The following KIF26B variants were observed in gnomAD, a reference collection of about 807,000 sequenced individuals.
The protein encoded by KIF26B is kinesin family member 26B.
KIF26B carries 63 observed loss-of-function variants against 151.2 expected under a neutral mutation model. That is an observed-to-expected ratio of 0.42 (90% CI 0.34 to 0.51). The LOEUF (loss-of-function observed/expected upper bound fraction) is 0.51. Among genes scored for constraint, KIF26B ranks in the 20% least tolerant of loss-of-function variants. The probability of loss-of-function intolerance (pLI) is 0.07; values close to 1 mark genes in which losing one functional copy is unlikely to be tolerated. For synonymous variants in KIF26B, 1,357 were observed against 1,262.1 expected (o/e 1.08, Z -1.59); for missense variants, 2,813 against 2,913.6 (o/e 0.97, Z 0.79).
chr1:245,607,894 C>T (rs74154480), intron 7 of KIF26B, 150 bp downstream of exon 7: 28,724 of 625,212 alleles, frequency 0.046, 1,105 homozygotes, highest in African/African-American at 0.12. Flanking sequence ...AGTTATACGA[C>T]GAAAACCTAT....
intron 3 of KIF26B, among the ~76,000 whole-genome samples, chr1:245,376,465 T>G (rs182424504): frequency 9.1e-4 from 138 of 151,930 alleles, no homozygotes; most frequent in Non-Finnish European, 1.9e-4. Flanking sequence ...CCAGGCGAAT[T>G]AAATGAGAAT....
At chr1:245,419,464 T>C in intron 3 of KIF26B, 115 bp from the exon 4 acceptor site, 1 of 878,430 alleles carries the variant, frequency 1.1e-6, no homozygotes, top group Non-Finnish European at 1.7e-6. Context: ...TGAATGCAGG[T>C]GGGATAGAAA....
At chr1:245,611,044 G>T (rs1259332913) in intron 8 of KIF26B, among the ~76,000 whole-genome samples, 3 of 152,178 alleles carry the variant, frequency 2.0e-5, no homozygotes, top group African/African-American at 7.2e-5. Context: ...TGTGATTCAG[G>T]TTTAAAATAA....
chr1:245,565,209 G>A (rs1558217135), intron 5 of KIF26B, among the ~76,000 whole-genome samples: 1 of 152,128 alleles, frequency 6.6e-6, no homozygotes, highest in Non-Finnish European at 1.5e-5. Context: ...GCGCTGTCAG[G>A]AATGCTCTAG....
intron 4 of KIF26B, among the ~76,000 whole-genome samples, chr1:245,481,710 G>A (rs765013215): frequency 5.4e-4 from 81 of 151,262 alleles, no homozygotes; most frequent in Non-Finnish European, 2.2e-4. Flanking sequence ...GTGGCCAAGC[G>A]TTGATTATTA....
chr1:245,451,703 A>AGTG (rs1659398740), intron 4 of KIF26B, among the ~76,000 whole-genome samples: 1 of 149,972 alleles, frequency 6.7e-6, no homozygotes, highest in Non-Finnish European at 1.5e-5. Context: ...TGGGTTCAAA[A>AGTG]ATTCTCCTGC....
At chr1:245,169,364 C>T (rs867088999) in intron 2 of KIF26B, among the ~76,000 whole-genome samples, 153 of 29,870 alleles carry the variant, frequency 5.1e-3, no homozygotes, top group Middle Eastern at 0.048. Context: ...TGTGTGTGTG[C>T]GCGCAAGCAC....
intron 2 of KIF26B, among the ~76,000 whole-genome samples, chr1:245,183,219 A>C (rs1032747978): frequency 1.3e-5 from 2 of 152,164 alleles, no homozygotes; most frequent in Non-Finnish European, 2.9e-5. Flanking sequence ...CTCTTATCAG[A>C]TATATGATTG....
At chr1:245,393,936 G>C (rs1673760785) in intron 3 of KIF26B, among the ~76,000 whole-genome samples, 1 of 152,206 alleles carries the variant, frequency 6.6e-6, no homozygotes, top group Non-Finnish European at 1.5e-5. Flanking sequence ...TGGGGGAGGG[G>C]AAGGGGTCAG....
intron 4 of KIF26B, among the ~76,000 whole-genome samples, chr1:245,509,342 T>G (rs894098996): frequency 3.3e-5 from 5 of 152,222 alleles, no homozygotes; most frequent in African/African-American, 9.6e-5. Context: ...TTTGAAAAGT[T>G]TCCAAGAGGA....
intron 2 of KIF26B, among the ~76,000 whole-genome samples, chr1:245,209,688 C>T (rs1293176855): frequency 2.6e-5 from 4 of 152,164 alleles, no homozygotes; most frequent in African/African-American, 9.7e-5. Context: ...ATTCCGAGAA[C>T]ATTGTACACA....
intron 3 of KIF26B, among the ~76,000 whole-genome samples, chr1:245,399,027 A>G (rs1673929429): frequency 6.6e-6 from 1 of 152,136 alleles, no homozygotes; most frequent in African/African-American, 2.4e-5. Context: ...TAAAATTAAC[A>G]TTGATGAGTA....
intron 4 of KIF26B, among the ~76,000 whole-genome samples, chr1:245,479,241 G>A (rs930569660): frequency 6.6e-6 from 1 of 151,884 alleles, no homozygotes; most frequent in South Asian, 2.1e-4. Flanking sequence ...CAACATAAAT[G>A]TTGACAGAGA....
At chr1:245,503,678 C>G (rs539306985) in intron 4 of KIF26B, among the ~76,000 whole-genome samples, 1 of 152,178 alleles carries the variant, frequency 6.6e-6, no homozygotes, top group African/African-American at 2.4e-5. Flanking sequence ...CTGTCCGTAT[C>G]GGAGAGCTGG....
intron 14 of KIF26B, among the ~76,000 whole-genome samples, chr1:245,700,651 A>G (rs956545678): frequency 7.0e-6 from 1 of 142,810 alleles, no homozygotes; most frequent in Admixed American, 7.0e-5. Flanking sequence ...AAATAAAAAT[A>G]AAAAACAGGA....
chr1:245,249,210 C>T (rs1670392987), intron 2 of KIF26B, among the ~76,000 whole-genome samples: 6 of 151,802 alleles, frequency 4.0e-5, no homozygotes, highest in Admixed American at 3.9e-4. Context: ...CTCCCAGGTT[C>T]AAGCGCCTCC....
chr1:245,304,007 C>T (rs1671490483), intron 2 of KIF26B, among the ~76,000 whole-genome samples: 1 of 152,226 alleles, frequency 6.6e-6, no homozygotes, highest in African/African-American at 2.4e-5. Flanking sequence ...CACCATCTTC[C>T]CTGCTTCAAC....
chr1:245,568,851 A>G (rs2043037073), intron 5 of KIF26B, among the ~76,000 whole-genome samples: 1 of 152,236 alleles, frequency 6.6e-6, no homozygotes, highest in East Asian at 1.9e-4. Context: ...CATCTAAGCT[A>G]TGCTTTTGAA....
chr1:245,506,908 G>A (rs887769035), intron 4 of KIF26B, among the ~76,000 whole-genome samples: 5 of 152,178 alleles, frequency 3.3e-5, no homozygotes, highest in African/African-American at 1.2e-4. Flanking sequence ...TTGAACTCCT[G>A]AGCTCAGGTG....
Sources: gnomAD v4.1 joint callset for allele counts (sites outside exome capture counted in the v4.1 genomes callset) on GRCh38, gnomAD v4.1.1 for gene constraint, MANE v1.5 for transcripts, NCBI Gene and HGNC (gene_info 2026-07-23, HGNC 2026-07-21) for gene names.